Variants in PCDHGA3 observed in about 807,000 individuals in gnomAD.
PCDHGA3 encodes the protein protocadherin gamma subfamily A, 3, also known as protocadherin gamma-A3.
In PCDHGA3, 40 loss-of-function variants were observed where a neutral mutation model predicts 58.5. That is an observed-to-expected ratio of 0.68 (90% CI 0.53 to 0.89). The LOEUF (loss-of-function observed/expected upper bound fraction) is 0.89. Ranked by LOEUF, PCDHGA3 falls within the 40% of genes least tolerant of loss-of-function variation. The pLI, the probability that PCDHGA3 is intolerant of heterozygous loss-of-function variation, is 0.00. For missense variants in PCDHGA3, 1,223 were observed against 1,195.9 expected, an observed-to-expected ratio of 1.02 and a Z score of -0.33; for synonymous variants, 530 against 525.7, an observed-to-expected ratio of 1.01 and a Z score of -0.11.
At chr5:141,447,197 T>C (rs1249080495) in intron 1 of PCDHGA3, among the ~76,000 whole-genome samples, 7 of 152,188 alleles carry the variant, frequency 4.6e-5, no homozygotes, top group Admixed American at 4.6e-4. Context: ...TGGAGTGCAA[T>C]GGCTTGATCT....
chr5:141,376,493 C>T (rs1772744309), intron 1 of PCDHGA3: 1 of 1,614,130 alleles, frequency 6.2e-7, no homozygotes, highest in Non-Finnish European at 8.5e-7. Flanking sequence ...GAAAGGAGAA[C>T]CCAGGCAACT....
chr5:141,349,833 T>C (rs1171472394), intron 1 of PCDHGA3, among the ~76,000 whole-genome samples: 1 of 152,180 alleles, frequency 6.6e-6, no homozygotes, highest in Non-Finnish European at 1.5e-5. Flanking sequence ...GCAGTGTACC[T>C]TGTGAATTTT....
In PCDHGA3 at chr5:141,345,430, C is replaced by T. The variant is rs1187781707; in HGVS notation, c.1397C>T (p.Pro466Leu). The part of the protein sequence containing the change: ...SYSAYIPENN[P>L]RGASIFSVTA... ...TCCGCCTACATTCCAGAAAACAACC[C>T]CAGAGGAGCCTCCATCTTCTCAGTG... Residue 466 changes from proline to leucine, a missense_variant, in exon 1 of 4, where the codon CCC becomes CTC. Physicochemically the swap from Pro to Leu is moderately conservative, Grantham distance 98. Around this residue, in one of 3 missense-constraint regions of PCDHGA3, gnomAD observed 791 missense variants for 708.5 expected, o/e 1.12. Coordinates refer to ENST00000253812, the MANE Select transcript of PCDHGA3 (RefSeq NM_018916.4). The T allele has an allele frequency of 1.2e-6, 2 of 1,614,044 alleles. No individual in the cohort carries two copies. The highest frequency in any genetic ancestry group is 1.7e-6 in the Non-Finnish European group (2 of 1,180,014).
Position 141,350,862 on chromosome 5 carries a change from A to T in PCDHGA3, c.2424+4405A>T, listed in dbSNP as rs767803001. 3.1e-6 allele frequency: 5 copies of T among 1,613,982 alleles called. No homozygotes were observed. In the South Asian group the frequency reaches 5.5e-5, roughly 18 times the overall value. On this transcript the variant is annotated intron_variant, in intron 1 of 3. Coordinates refer to ENST00000253812, the MANE Select transcript of PCDHGA3 (RefSeq NM_018916.4). Reference sequence around the variant, plus strand: ...CTGGAAAAACCTCTAGACAGGGAACATCAGAGCTCTCATCGCTTAATCCTG... The same window carrying T: ...CTGGAAAAACCTCTAGACAGGGAACTTCAGAGCTCTCATCGCTTAATCCTG...
chr5:141,478,143 A>T (rs759384540), intron 1 of PCDHGA3: 1 of 1,614,014 alleles, frequency 6.2e-7, no homozygotes, highest in Non-Finnish European at 8.5e-7. Flanking sequence ...GCCCGAGCCG[A>T]GTTCCCCTCT....
chr5:141,399,106 T>C, intron 1 of PCDHGA3: 2 of 1,613,784 alleles, frequency 1.2e-6, no homozygotes, highest in Non-Finnish European at 1.7e-6. Context: ...GGTTGCACAA[T>C]GTACAGTTGA....
chr5:141,472,980 C>CAAAAAAAAAAAAAAAAGAAAAAAAAA (rs2099308501), intron 1 of PCDHGA3, among the ~76,000 whole-genome samples: 1 of 86,106 alleles, frequency 1.2e-5, no homozygotes, highest in Non-Finnish European at 2.5e-5. Context: ...GAGTGAAACT[C>CAAAAAAAAAAAAAAAAGAAAAAAAAA]AAAAAAAAAA....
At chr5:141,376,078 C>T (rs752847017) in intron 1 of PCDHGA3, 7 of 1,613,392 alleles carry the variant, frequency 4.3e-6, no homozygotes, top group South Asian at 3.3e-5. Flanking sequence ...TGGCCGTGGC[C>T]GACAGGATCC....
chr5:141,511,713 C>T lies in PCDHGA3; in HGVS notation c.*540C>T. 5.4e-6 allele frequency: 1 copy of T among 186,446 alleles called. No individual in the cohort carries two copies. Among genetic ancestry groups the T allele is most frequent in the Admixed American group, 5.3e-5 (1 of 18,840 alleles). The allele number at this position is 186,446 out of a possible 1,614,324, so 11.5% of individuals were successfully genotyped here. ...TTGGTGCCAGCCCCTTCACCTCCTT[C>T]CAGAGCCCAAGATCAATGCTCAAGT... On this transcript the variant is annotated 3_prime_UTR_variant, in exon 4 of 4. Transcript: ENST00000253812.
Position 141,345,292 on chromosome 5 carries a change from T to C in PCDHGA3, c.1259T>C (p.Ile420Thr), listed in dbSNP as rs1424887859. 1 of 1,613,964 alleles carries C rather than the reference T, an allele frequency of 6.2e-7. No homozygotes were observed. Among genetic ancestry groups the C allele is most frequent in the Non-Finnish European group, 8.5e-7 (1 of 1,179,878 alleles). The change falls in exon 1 of 4, where the codon ATT (isoleucine) becomes ACT (threonine). Residue 420 changes from isoleucine to threonine, a missense_variant. Physicochemically the swap from Ile to Thr is moderately conservative, Grantham distance 89. Around this residue, in one of 3 missense-constraint regions of PCDHGA3, gnomAD observed 791 missense variants for 708.5 expected, o/e 1.12. Coordinates refer to ENST00000253812, the MANE Select transcript of PCDHGA3 (RefSeq NM_018916.4). Reference protein sequence around the residue: ...LDREQISEYNISLRASDGGSP... With the variant: ...LDREQISEYNTSLRASDGGSP... ...CGCGAACAAATATCAGAATATAACA[T>C]TAGTCTGAGAGCCTCAGATGGGGGA...
chr5:141,372,133 G>T (rs576893125), intron 1 of PCDHGA3: 18 of 1,613,666 alleles, frequency 1.1e-5, no homozygotes, highest in East Asian at 2.2e-5. Flanking sequence ...ATGGTGCCGC[G>T]CTCTGCAGAG....
intron 1 of PCDHGA3, among the ~76,000 whole-genome samples, chr5:141,437,983 A>G (rs544812394): frequency 4.6e-5 from 7 of 151,938 alleles, no homozygotes; most frequent in Admixed American, 2.6e-4. Context: ...GGATGCACCC[A>G]CCCCACCTCA....
intron 1 of PCDHGA3, among the ~76,000 whole-genome samples, chr5:141,368,795 A>G (rs1765861379): frequency 6.6e-6 from 1 of 152,188 alleles, no homozygotes; most frequent in Non-Finnish European, 1.5e-5. Flanking sequence ...ATAATTTTTC[A>G]TACTAATTGA....
intron 1 of PCDHGA3, chr5:141,413,141 G>A: frequency 1.3e-6 from 2 of 1,564,906 alleles, no homozygotes; most frequent in Non-Finnish European, 1.7e-6. Context: ...AACGTGTCCA[G>A]TGAGGACTTT....
intron 2 of PCDHGA3, among the ~76,000 whole-genome samples, chr5:141,500,900 C>T (rs1309164700): frequency 4.0e-5 from 6 of 150,642 alleles, no homozygotes; most frequent in South Asian, 2.1e-4. Flanking sequence ...GAGACAGTCT[C>T]GCTCTGTCTC....
At chr5:141,437,895 A>G (rs911855268) in intron 1 of PCDHGA3, among the ~76,000 whole-genome samples, 23 of 151,954 alleles carry the variant, frequency 1.5e-4, no homozygotes, top group African/African-American at 4.8e-4. Flanking sequence ...ACGCCACCAC[A>G]CCCAGCTAAT....
At chr5:141,388,424 G>A (rs77505166) in intron 1 of PCDHGA3, 76,970 of 1,613,794 alleles carry the variant, frequency 0.048, 2,026 homozygotes, top group South Asian at 0.077. Context: ...ATTTCTCACT[G>A]ATAAATAAAG....
intron 1 of PCDHGA3, among the ~76,000 whole-genome samples, chr5:141,436,290 T>C (rs2097808305): frequency 6.6e-6 from 1 of 152,164 alleles, no homozygotes; most frequent in Non-Finnish European, 1.5e-5. Flanking sequence ...GAACAAATCA[T>C]TGAGAGTTAG....
At chr5:141,406,859 TC>T (rs1171504234) in intron 1 of PCDHGA3, among the ~76,000 whole-genome samples, 1 of 152,252 alleles carries the variant, frequency 6.6e-6, no homozygotes, top group African/African-American at 2.4e-5. Flanking sequence ...AAGAAAATAT[TC>T]TCAGGAACTG....
Sources: allele counts gnomAD v4.1 joint callset (sites outside exome capture counted in the v4.1 genomes callset), GRCh38; gene constraint gnomAD v4.1.1; regional missense constraint gnomAD v4.1.1; transcripts MANE v1.5; gene names NCBI Gene and HGNC (gene_info 2026-07-23, HGNC 2026-07-21).